The following HADHB variants were observed in gnomAD, a reference collection of about 807,000 sequenced individuals.
The protein encoded by HADHB is trifunctional enzyme subunit beta, mitochondrial.
HADHB carries 50 observed loss-of-function variants against 61.9 expected under a neutral mutation model. The observed-to-expected ratio is 0.81, with a 90% CI of 0.64 to 1.02. The LOEUF (loss-of-function observed/expected upper bound fraction) is 1.02, where lower values mean the gene tolerates loss of function less well. Ranked by LOEUF, HADHB falls within the 50% of genes least tolerant of loss-of-function variation. HADHB has a pLI of 0.00. For synonymous variants in HADHB, 191 were observed against 201.6 expected (o/e 0.95, Z 0.45); for missense variants, 504 against 586.5 (o/e 0.86, Z 1.45).
At chr2:26,286,669 A>AT (rs1250093514) in intron 15 of HADHB, among the ~76,000 whole-genome samples, 2 of 150,782 alleles carry the variant, frequency 1.3e-5, no homozygotes, top group South Asian at 4.2e-4. Flanking sequence ...AGCCCGGGCA[A>AT]TTTTTTTTGT....
chr2:26,288,928 A>G (rs1673152316), intron 15 of HADHB, among the ~76,000 whole-genome samples: 1 of 152,162 alleles, frequency 6.6e-6, no homozygotes, highest in African/African-American at 2.4e-5. Context: ...TAGCTAGTAC[A>G]TAGCACTGTG....
chr2:26,285,453 T>C lies in HADHB; in HGVS notation c.1271T>C (p.Leu424Pro). 1 of 1,613,602 alleles carries C rather than the reference T, an allele frequency of 6.2e-7. No homozygotes were observed. The highest frequency in any genetic ancestry group is 8.5e-7 in the Non-Finnish European group (1 of 1,179,558). ...AAGTTTAATAACTGGGGTGGATCTCTGTCCCTGGGACACCCATTTGGAGCC... is the reference window on the plus strand; with the variant it reads ...AAGTTTAATAACTGGGGTGGATCTCCGTCCCTGGGACACCCATTTGGAGCC... Reference protein sequence around the residue: ...LEKFNNWGGSLSLGHPFGATG... With the variant: ...LEKFNNWGGSPSLGHPFGATG... Residue 424 changes from leucine (L) to proline (P), a missense_variant, in exon 15 of 16, where the codon CTG (leucine) becomes CCG (proline). Transcript: ENST00000317799.
chr2:26,264,990 A>C (rs1176653503), intron 4 of HADHB, among the ~76,000 whole-genome samples: 2 of 138,406 alleles, frequency 1.4e-5, no homozygotes, highest in East Asian at 2.1e-4. Context: ...ACCCTGTTTC[A>C]AAAAAAAAAA....
chr2:26,280,867 A>G (rs1174583837), intron 10 of HADHB, among the ~76,000 whole-genome samples: 1 of 150,670 alleles, frequency 6.6e-6, no homozygotes, highest in Non-Finnish European at 1.5e-5. Flanking sequence ...AAAAAAAAAA[A>G]AAAAAAAAAA....
chr2:26,257,314 G>C (rs1230048153), intron 3 of HADHB, among the ~76,000 whole-genome samples: 1 of 151,754 alleles, frequency 6.6e-6, no homozygotes, highest in East Asian at 2.0e-4. Flanking sequence ...TAGAGATGGG[G>C]TGTCACCGTG....
At chr2:26,249,001 G>A (rs944016361) in intron 1 of HADHB, among the ~76,000 whole-genome samples, 1 of 151,936 alleles carries the variant, frequency 6.6e-6, no homozygotes, top group Non-Finnish European at 1.5e-5. Context: ...AGGTTGCAGT[G>A]AGCCGAGATC....
At chr2:26,279,927 A>G in intron 9 of HADHB, 67 bp from the exon 10 acceptor site, 2 of 1,200,090 alleles carry the variant, frequency 1.7e-6, no homozygotes, top group South Asian at 1.2e-5. Context: ...TTTAAAGCAT[A>G]TTTCTGTGGA....
intron 10 of HADHB, among the ~76,000 whole-genome samples, chr2:26,281,709 TTA>T (rs1333845505): frequency 6.6e-6 from 1 of 152,202 alleles, no homozygotes; most frequent in African/African-American, 2.4e-5. Flanking sequence ...ATTGAACCTG[TTA>T]TTAATGTAAT....
Position 26,290,426 on chromosome 2 carries a change from A to G in HADHB, c.*473A>G, listed in dbSNP as rs1673222606. The G allele has an allele frequency of 5.4e-6, 1 of 185,136 alleles. No homozygotes were observed. Among genetic ancestry groups the G allele is most frequent in the Non-Finnish European group, 1.1e-5 (1 of 87,368 alleles). The allele number at this position is 185,136 out of a possible 1,614,324, so 11.5% of individuals were successfully genotyped here. ...CTTATAAAAAATGTTTAGATACATA[A>G]ATATGGTGGTCAGCGTTAATAAAGT... is the stretch of plus-strand genomic sequence containing the variant. On this transcript the variant is annotated 3_prime_UTR_variant, in exon 16 of 16. Transcript: ENST00000317799.
At chr2:26,267,173 TAAAC>T (rs1224253378) in intron 4 of HADHB, among the ~76,000 whole-genome samples, 3 of 152,144 alleles carry the variant, frequency 2.0e-5, no homozygotes, top group East Asian at 1.9e-4. Context: ...TTTTGATCTT[TAAAC>T]AAACAAACAA....
chr2:26,289,240 A>G (rs1673167829), intron 15 of HADHB, among the ~76,000 whole-genome samples: 1 of 152,200 alleles, frequency 6.6e-6, no homozygotes, highest in Non-Finnish European at 1.5e-5. Context: ...ACGGCGAGGC[A>G]CGGTCTCCAA....
intron 6 of HADHB, among the ~76,000 whole-genome samples, chr2:26,274,845 A>G (rs1418095070): frequency 6.6e-6 from 1 of 152,094 alleles, no homozygotes; most frequent in South Asian, 2.1e-4. Flanking sequence ...TTTTTATCCC[A>G]TCCTTTCTTC....
chr2:26,261,159 A>C (rs1213814932), intron 3 of HADHB: 2 of 671,642 alleles, frequency 3.0e-6, no homozygotes, highest in African/African-American at 1.8e-5. Flanking sequence ...AAGCAGGGCA[A>C]CTCCCTTTAG....
At chr2:26,279,336 A>G in intron 9 of HADHB, 21 bp downstream of exon 9, 1 of 1,549,220 alleles carries the variant, frequency 6.5e-7, no homozygotes, top group Non-Finnish European at 8.9e-7. Flanking sequence ...ATGCTTCATG[A>G]CACTTATTAG....
intron 3 of HADHB, among the ~76,000 whole-genome samples, chr2:26,262,838 C>T (rs1332670638): frequency 6.6e-6 from 1 of 152,002 alleles, no homozygotes; most frequent in Non-Finnish European, 1.5e-5. Context: ...GGCATAAATT[C>T]CCTCATCATT....
In HADHB at chr2:26,279,170, C is replaced by T; in HGVS notation, c.666C>T (p.Thr222=). 6.2e-7 allele frequency: 1 copy of T among 1,614,006 alleles called. No individual in the cohort carries two copies. The highest frequency in any genetic ancestry group is 1.7e-5 in the Admixed American group (1 of 60,012). The change falls in exon 9 of 16, where the codon ACC becomes ACT. Residue 222 remains threonine, a synonymous_variant. Transcript: ENST00000317799. ...PAVSEFSTSE[T]MGHSADRLAA... is the part of the protein sequence containing the mutation. ...TTTCTGAGTTCTCCACCAGTGAGAC[C>T]ATGGGCCACTCTGCAGACCGACTGG...
chr2:26,273,189 G>T (rs934705902), intron 5 of HADHB, among the ~76,000 whole-genome samples: 4 of 151,868 alleles, frequency 2.6e-5, no homozygotes, highest in Admixed American at 2.6e-4. Context: ...TAGAATATAT[G>T]TATTATTTCA....
chr2:26,254,554 AC>A, intron 3 of HADHB, 80 bp downstream of exon 3: 1 of 962,636 alleles, frequency 1.0e-6, no homozygotes. Flanking sequence ...CTGAATAAAA[AC>A]CAAAACTAAT....
chr2:26,259,927 A>G lies in HADHB; in HGVS notation c.110-3453A>G, dbSNP rs752774906. Among the ~76,000 whole-genome samples, 30 of 152,208 alleles carry G rather than the reference A, an allele frequency of 2.0e-4. 1 individual carries two copies. The highest frequency in any genetic ancestry group is 1.6e-3 in the Admixed American group (25 of 15,276). ...AGGAGGCTGACCTGAGCAAAGCTGT[A>G]AAGGACTGGGGGCTGGCTCATCTTG... On this transcript the variant is annotated intron_variant, in intron 3 of 15. Coordinates refer to ENST00000317799, the MANE Select transcript of HADHB (RefSeq NM_000183.3).
Sources: gnomAD v4.1 joint callset for allele counts (sites outside exome capture counted in the v4.1 genomes callset) on GRCh38, gnomAD v4.1.1 for gene constraint, MANE v1.5 for transcripts, NCBI Gene and HGNC (gene_info 2026-07-23, HGNC 2026-07-21) for gene names.